Variants in SIL1 observed in about 807,000 individuals in gnomAD.
The protein encoded by SIL1 is nucleotide exchange factor SIL1.
A neutral mutation model predicts 49.1 loss-of-function variants in SIL1; 40 were observed. That is an observed-to-expected ratio of 0.81 (90% CI 0.63 to 1.06). The LOEUF is 1.06. SIL1 is among the 50% of genes least tolerant of loss of function. SIL1 has a pLI of 0.00. For missense variants in SIL1, 500 were observed against 572.6 expected (o/e 0.87, Z 1.29); for synonymous variants, 253 against 250.8 (o/e 1.01, Z -0.08).
chr5:139,108,022 C>T (rs1406606242), intron 3 of SIL1: 1 of 152,180 alleles, frequency 6.6e-6, no homozygotes, highest in Admixed American at 6.5e-5. Context: ...ATTCAAGGCA[C>T]GGCAGCAACA....
chr5:139,185,374 T>C (rs960685271), intron 1 of SIL1, among the ~76,000 whole-genome samples: 1 of 152,230 alleles, frequency 6.6e-6, no homozygotes, highest in African/African-American at 2.4e-5. Context: ...AAGGAATGTA[T>C]AGCTCACATT....
In SIL1 at chr5:138,947,074, C is replaced by A; in HGVS notation, c.*43G>T. On this transcript the variant is annotated 3_prime_UTR_variant, in exon 10 of 10. Coordinates refer to ENST00000394817, the MANE Select transcript of SIL1 (RefSeq NM_022464.5). This position sits in a 1 kb window ranked among gnomAD's most constrained non-coding sequence, Gnocchi z 4.1. ...GAAGCCCACCCACGCTGGCACCCCTCAGCCTCACTAGCGGCATCCCAGTCC... is the reference window on the plus strand; with the variant it reads ...GAAGCCCACCCACGCTGGCACCCCTAAGCCTCACTAGCGGCATCCCAGTCC... 6.6e-7 allele frequency: 1 copy of A among 1,518,860 alleles called. No individual in the cohort carries two copies. Among genetic ancestry groups the A allele is most frequent in the Non-Finnish European group, 9.1e-7 (1 of 1,102,600 alleles). 94.1% of individuals were successfully genotyped at this position (1,518,860 alleles called of 1,614,324 possible). A position where few individuals can be genotyped will look rare whatever the true frequency, so the allele number is the denominator to read the frequency against.
Position 138,947,494 on chromosome 5 carries a change from A to T in SIL1, c.1030-21T>A. On this transcript the variant is annotated intron_variant, in intron 9 of 9. Transcript: ENST00000394817. This position sits in a 1 kb window ranked among gnomAD's most constrained non-coding sequence, Gnocchi z 4.1. ...AACATCTGCCATCCGCCACAGCCGC[A>T]GGCCAGGTAGGGTGGGGGTGGGGAG... is the stretch of plus-strand genomic sequence containing the variant. The T allele has an allele frequency of 6.2e-7, 1 of 1,604,668 alleles. No homozygotes were observed. Among genetic ancestry groups the T allele is most frequent in the Non-Finnish European group, 8.5e-7 (1 of 1,172,188 alleles).
intron 7 of SIL1, among the ~76,000 whole-genome samples, chr5:138,983,592 G>T (rs1270497141): frequency 1.3e-5 from 2 of 151,562 alleles, no homozygotes; most frequent in African/African-American, 4.9e-5. Context: ...GGCAGAGAAA[G>T]GACAGGTCCA....
intron 1 of SIL1, among the ~76,000 whole-genome samples, chr5:139,185,160 G>A (rs571614921): frequency 1.8e-4 from 28 of 152,192 alleles, no homozygotes; most frequent in South Asian, 1.0e-3. Flanking sequence ...TCCCGAAGAC[G>A]TGCCTGTTAG....
At chr5:139,123,831 G>C (rs937659807) in intron 2 of SIL1, among the ~76,000 whole-genome samples, 3 of 152,196 alleles carry the variant, frequency 2.0e-5, no homozygotes, top group African/African-American at 7.2e-5. Context: ...CAGAAATCCA[G>C]ATTTTTATGT....
At chr5:139,178,659 C>A (rs953737702) in intron 1 of SIL1, among the ~76,000 whole-genome samples, 1 of 152,090 alleles carries the variant, frequency 6.6e-6, no homozygotes, top group Non-Finnish European at 1.5e-5. Context: ...ACTCGAACAT[C>A]ACTTCCTCAA....
At chr5:139,174,360 G>T (rs1751836334) in intron 1 of SIL1, among the ~76,000 whole-genome samples, 1 of 152,160 alleles carries the variant, frequency 6.6e-6, no homozygotes, top group African/African-American at 2.4e-5. Flanking sequence ...AGCCAGGCAT[G>T]GTGGCAGGTG....
intron 1 of SIL1, among the ~76,000 whole-genome samples, chr5:139,193,449 T>C (rs192960802): frequency 2.8e-4 from 42 of 151,868 alleles, no homozygotes; most frequent in Non-Finnish European, 4.7e-4. Flanking sequence ...GCGCCTATAA[T>C]CCCAGTTACT....
intron 2 of SIL1, among the ~76,000 whole-genome samples, chr5:139,125,155 G>GGA (rs199570452): frequency 3.8e-4 from 58 of 152,124 alleles, no homozygotes; most frequent in Admixed American, 9.8e-4. Flanking sequence ...GTCCTGAACA[G>GGA]GAGAGAGAGA....
chr5:138,947,272 G>T lies in SIL1; in HGVS notation c.1231C>A (p.Arg411Ser), dbSNP rs142943842. ...LGVLLTTCRD[R>S]YRQDPQLGRT... ...CCGAGCTGGGGGTCCTGACGGTAGC[G>T]GTCCCGGCAGGTGGTCAGGAGGACG... The change falls in exon 10 of 10, where the codon CGC becomes AGC. Residue 411 changes from arginine to serine, a missense_variant. Transcript: ENST00000394817. The surrounding 1 kb of genome is among the most constrained non-coding windows in gnomAD (Gnocchi z 4.1). 6 of 1,613,360 alleles carry T rather than the reference G, an allele frequency of 3.7e-6. No individual in the cohort carries two copies. The African/African-American group carries it at 5.3e-5, about 14-fold the overall frequency.
chr5:139,134,019 T>C lies in SIL1; in HGVS notation c.-10-6166A>G, dbSNP rs375322970. On this transcript the variant is annotated intron_variant, in intron 1 of 9. Coordinates refer to ENST00000394817, the MANE Select transcript of SIL1 (RefSeq NM_022464.5). Reference sequence around the variant, plus strand: ...CTATAAAATAGGTACATTAAGAATTTCTACTTCAAAGGTTGGTAGCGAGGA... The same window carrying C: ...CTATAAAATAGGTACATTAAGAATTCCTACTTCAAAGGTTGGTAGCGAGGA... Among the ~76,000 whole-genome samples the C allele has an allele frequency of 2.6e-3, 399 of 152,352 alleles. 3 individuals are homozygous for C. The highest frequency in any genetic ancestry group is 9.2e-3 in the African/African-American group (382 of 41,588).
At chr5:139,182,646 T>G (rs1752011575) in intron 1 of SIL1, among the ~76,000 whole-genome samples, 1 of 152,170 alleles carries the variant, frequency 6.6e-6, no homozygotes, top group Non-Finnish European at 1.5e-5. Flanking sequence ...CTGGTCAGAT[T>G]ACAATATAGC....
At chr5:139,056,793 G>T (rs34420254) in intron 3 of SIL1, among the ~76,000 whole-genome samples, 1 of 151,222 alleles carries the variant, frequency 6.6e-6, no homozygotes, top group African/African-American at 2.4e-5. Context: ...CCCTCTGCCC[G>T]GCCACCACCC....
chr5:139,153,865 T>C lies in SIL1; in HGVS notation c.-10-26012A>G, dbSNP rs560000102. Among the ~76,000 whole-genome samples, 6 of 152,348 alleles carry C rather than the reference T, an allele frequency of 3.9e-5. No homozygotes were observed. In the East Asian group the frequency reaches 9.6e-4, roughly 24 times the overall value. On this transcript the variant is annotated intron_variant, in intron 1 of 9. Transcript: ENST00000394817. ...TTTCCCAGTGCTCCTCTTTCCACAG[T>C]ACCCCAAGCTAACTACACACTGTCC...
At chr5:139,145,619 G>C (rs1422760568) in intron 1 of SIL1, among the ~76,000 whole-genome samples, 5 of 134,694 alleles carry the variant, frequency 3.7e-5, no homozygotes, top group African/African-American at 1.1e-4. Context: ...TGTGGGTGTG[G>C]GTGTGGGGGC....
At chr5:138,985,013 G>A (rs1020771527) in intron 7 of SIL1, among the ~76,000 whole-genome samples, 5 of 152,224 alleles carry the variant, frequency 3.3e-5, no homozygotes, top group African/African-American at 7.2e-5. Context: ...TAGAGGGGCC[G>A]AGGTAATGGC....
At chr5:139,053,977 G>T (rs1219856628) in intron 3 of SIL1, among the ~76,000 whole-genome samples, 2 of 152,134 alleles carry the variant, frequency 1.3e-5, no homozygotes, top group Non-Finnish European at 2.9e-5. Context: ...GGCATATAGT[G>T]AACTCTCAAT....
At chr5:139,181,693 G>C (rs1175469889) in intron 1 of SIL1, among the ~76,000 whole-genome samples, 2 of 152,124 alleles carry the variant, frequency 1.3e-5, no homozygotes, top group Non-Finnish European at 2.9e-5. Flanking sequence ...TTCTTTATAG[G>C]ACCCGCCAGA....
Sources: allele counts gnomAD v4.1 joint callset (sites outside exome capture counted in the v4.1 genomes callset), GRCh38; gene constraint gnomAD v4.1.1; non-coding constraint Gnocchi (gnomAD v3.1); transcripts MANE v1.5; gene names NCBI Gene and HGNC (gene_info 2026-07-23, HGNC 2026-07-21).